The following SMOC2 variants were observed in gnomAD, a reference collection of about 807,000 sequenced individuals.
SMOC2 encodes SPARC-related modular calcium-binding protein 2.
A neutral mutation model predicts 61.4 loss-of-function variants in SMOC2; 39 were observed. The observed-to-expected ratio is 0.64, with a 90% CI of 0.49 to 0.83. The LOEUF (loss-of-function observed/expected upper bound fraction) is 0.83. SMOC2 is among the 40% of genes least tolerant of loss of function. SMOC2 has a pLI of 0.00. For synonymous variants in SMOC2, 247 were observed against 239.9 expected, an observed-to-expected ratio of 1.03 and a Z score of -0.27; for missense variants, 556 against 592.9, an observed-to-expected ratio of 0.94 and a Z score of 0.65.
At chr6:168,601,148 A>G (rs1193093582) in intron 8 of SMOC2, among the ~76,000 whole-genome samples, 1 of 152,262 alleles carries the variant, frequency 6.6e-6, no homozygotes, top group Non-Finnish European at 1.5e-5. Flanking sequence ...TGTCACCAGT[A>G]GACATTTGTG....
intron 12 of SMOC2, among the ~76,000 whole-genome samples, 170 bp from the exon 13 acceptor site, chr6:168,666,251 G>T (rs527896970): frequency 1.4e-4 from 22 of 152,188 alleles, no homozygotes; most frequent in African/African-American, 5.1e-4. Context: ...CTGTTAAGAA[G>T]TTACCAGTGT....
chr6:168,538,301 G>A (rs1167672680), intron 4 of SMOC2, among the ~76,000 whole-genome samples: 1 of 139,920 alleles, frequency 7.1e-6, no homozygotes. Context: ...GGGGAGTGGG[G>A]TGACCCCTGC....
At position 168,519,073 on chromosome 6, in the gene SMOC2, A is replaced by G. The variant is rs1000138866; in HGVS notation, c.257-7273A>G. 2.1e-4 allele frequency among the ~76,000 whole-genome samples: 28 copies of G among 133,230 alleles called. No homozygotes were observed. The East Asian group carries it at 5.8e-3, about 27-fold the overall frequency. The allele number at this position is 133,230 out of a possible 152,430, so 87.4% of individuals were successfully genotyped here. On this transcript the variant is annotated intron_variant, in intron 2 of 12. Transcript: ENST00000356284. ...TGAGCATGCATATGTGTGTGAGTGT[A>G]TGTATGCGTGCATGTGTGAACATGC...
At chr6:168,634,055 G>A (rs1562395377) in intron 9 of SMOC2, among the ~76,000 whole-genome samples, 2 of 152,214 alleles carry the variant, frequency 1.3e-5, no homozygotes, top group Non-Finnish European at 2.9e-5. Flanking sequence ...ATGATTGTAA[G>A]TTTCCTGAGG....
intron 7 of SMOC2, among the ~76,000 whole-genome samples, chr6:168,549,570 A>G (rs887879824): frequency 2.0e-5 from 3 of 152,200 alleles, no homozygotes; most frequent in African/African-American, 7.2e-5. Context: ...CGTTCTCCTC[A>G]TCGTCTTCAC....
chr6:168,581,922 T>C (rs1226546929), intron 7 of SMOC2, among the ~76,000 whole-genome samples: 1 of 152,204 alleles, frequency 6.6e-6, no homozygotes, highest in African/African-American at 2.4e-5. Context: ...GTCTCCTCCG[T>C]GCAGAGGCCT....
chr6:168,518,698 G>A lies in SMOC2; in HGVS notation c.257-7648G>A, dbSNP rs533510205. 2.3e-4 allele frequency among the ~76,000 whole-genome samples: 35 copies of A among 149,458 alleles called. No homozygotes were observed. In the East Asian group the frequency reaches 5.2e-3, roughly 22 times the overall value. ...TGCTTGTGTGTGAATGTGTATGAGC[G>A]TGCATGTGTGAGTGTTATGCTTATG... is the stretch of plus-strand genomic sequence containing the variant. On this transcript the variant is annotated intron_variant, in intron 2 of 12. Coordinates refer to ENST00000356284, the MANE Select transcript of SMOC2 (RefSeq NM_001166412.2).
intron 9 of SMOC2, among the ~76,000 whole-genome samples, chr6:168,621,509 T>C (rs1420259307): frequency 6.6e-6 from 1 of 152,232 alleles, no homozygotes; most frequent in African/African-American, 2.4e-5. Context: ...CCGCTTGTAC[T>C]AGTTTGTTTT....
chr6:168,516,452 G>A (rs1292076534), intron 2 of SMOC2, among the ~76,000 whole-genome samples: 1 of 151,644 alleles, frequency 6.6e-6, no homozygotes, highest in Non-Finnish European at 1.5e-5. Flanking sequence ...TTGGACAAAA[G>A]CAGCTTCCTT....
intron 1 of SMOC2, among the ~76,000 whole-genome samples, chr6:168,500,082 G>T (rs2115041096): frequency 6.6e-6 from 1 of 152,136 alleles, no homozygotes; most frequent in African/African-American, 2.4e-5. Flanking sequence ...CAAGGCAAGT[G>T]GATCACCTGA....
At chr6:168,645,261 G>A (rs963574671) in intron 9 of SMOC2, among the ~76,000 whole-genome samples, 1 of 152,106 alleles carries the variant, frequency 6.6e-6, no homozygotes, top group Admixed American at 6.5e-5. Context: ...TTTTCTGTCC[G>A]TTTTTAACTC....
chr6:168,652,041 CAAA>C (rs34341178), intron 10 of SMOC2, among the ~76,000 whole-genome samples: 9 of 129,078 alleles, frequency 7.0e-5, no homozygotes, highest in Middle Eastern at 3.9e-3. Context: ...AACTCTGTCT[CAAA>C]AAAAAAAAAA....
chr6:168,577,952 G>C (rs1003861252), intron 7 of SMOC2, among the ~76,000 whole-genome samples: 1 of 152,204 alleles, frequency 6.6e-6, no homozygotes, highest in African/African-American at 2.4e-5. Flanking sequence ...GGAAGTAGTT[G>C]CGTTTGACTC....
chr6:168,579,561 C>T (rs914172708), intron 7 of SMOC2, among the ~76,000 whole-genome samples: 5 of 152,176 alleles, frequency 3.3e-5, no homozygotes, highest in African/African-American at 4.8e-5. Context: ...AGAATAAAGT[C>T]GCATTTCTGT....
At chr6:168,661,918 AT>A (rs1401408171) in intron 11 of SMOC2, among the ~76,000 whole-genome samples, 1 of 152,200 alleles carries the variant, frequency 6.6e-6, no homozygotes, top group African/African-American at 2.4e-5. Flanking sequence ...GAAACCAACT[AT>A]TTAAAAAAAT....
At chr6:168,566,790 T>C (rs2342629) in intron 7 of SMOC2, among the ~76,000 whole-genome samples, 80,770 of 152,074 alleles carry the variant, frequency 0.53, 23,731 homozygotes, top group African/African-American at 0.8. Context: ...TGAGCCACTG[T>C]GCCCAGCCTA....
At chr6:168,581,327 A>G (rs1179059763) in intron 7 of SMOC2, among the ~76,000 whole-genome samples, 1 of 152,130 alleles carries the variant, frequency 6.6e-6, no homozygotes, top group Non-Finnish European at 1.5e-5. Context: ...AAAAATGAAA[A>G]CCCCTACGGG....
chr6:168,448,635 T>A (rs57899165), intron 1 of SMOC2, among the ~76,000 whole-genome samples: 3 of 145,518 alleles, frequency 2.1e-5, no homozygotes, highest in East Asian at 2.1e-4. Context: ...GGGAGGATGG[T>A]GATGGGGAGG....
chr6:168,576,506 C>T (rs578140460), intron 7 of SMOC2, among the ~76,000 whole-genome samples: 14 of 152,198 alleles, frequency 9.2e-5, no homozygotes, highest in Non-Finnish European at 1.5e-4. Flanking sequence ...TCCGACCCCA[C>T]GGATCTCCTG....
Sources: gnomAD v4.1 joint callset for allele counts (sites outside exome capture counted in the v4.1 genomes callset) on GRCh38, gnomAD v4.1.1 for gene constraint, MANE v1.5 for transcripts, NCBI Gene and HGNC (gene_info 2026-07-23, HGNC 2026-07-21) for gene names.